The following EPHA6 variants were observed in gnomAD, a reference collection of about 807,000 sequenced individuals.
The protein encoded by EPHA6 is EPH receptor A6, also known as ephrin type-A receptor 6.
In EPHA6, 50 loss-of-function variants were observed where a neutral mutation model predicts 112.0. The ratio of observed to expected loss-of-function variants is 0.45; its 90% CI spans 0.36 to 0.56. EPHA6 has a LOEUF of 0.56. EPHA6 is among the 20% of genes least tolerant of loss of function. The pLI is 0.00. For synonymous variants in EPHA6, 529 were observed against 490.7 expected (o/e 1.08, Z -1.03); for missense variants, 1,280 against 1,417.4 (o/e 0.90, Z 1.56).
intron 3 of EPHA6, among the ~76,000 whole-genome samples, chr3:97,012,992 A>G (rs1214740442): frequency 6.6e-6 from 1 of 152,098 alleles, no homozygotes; most frequent in African/African-American, 2.4e-5. Flanking sequence ...GATTCTGAAT[A>G]TTAGACCTTT....
intron 2 of EPHA6, among the ~76,000 whole-genome samples, chr3:96,878,010 A>G (rs2107498718): frequency 6.6e-6 from 1 of 151,456 alleles, no homozygotes; most frequent in South Asian, 2.1e-4. Flanking sequence ...CTCTTAATTT[A>G]GAGAGTTTGA....
chr3:97,508,456 A>G (rs1045888216), intron 10 of EPHA6, among the ~76,000 whole-genome samples: 2 of 152,158 alleles, frequency 1.3e-5, no homozygotes, highest in Admixed American at 1.3e-4. Context: ...TTGAGTTTCC[A>G]TGTAGTTGTG....
intron 14 of EPHA6, among the ~76,000 whole-genome samples, chr3:97,650,437 C>T (rs2094099606): frequency 6.6e-6 from 1 of 151,986 alleles, no homozygotes; most frequent in Admixed American, 6.6e-5. Context: ...GCTTAGGAAA[C>T]AACAGTTTGC....
At chr3:96,937,813 G>A (rs926438625) in intron 2 of EPHA6, among the ~76,000 whole-genome samples, 78 of 152,094 alleles carry the variant, frequency 5.1e-4, no homozygotes, top group Non-Finnish European at 2.4e-4. Flanking sequence ...TCCAGTTTCA[G>A]CTTTCTACAT....
intron 2 of EPHA6, among the ~76,000 whole-genome samples, chr3:96,937,718 T>C (rs977395333): frequency 2.4e-4 from 36 of 152,308 alleles, no homozygotes; most frequent in Non-Finnish European, 4.3e-4. Context: ...CTAGGTTTTC[T>C]TCTAGGGTTT....
At chr3:96,922,255 A>G (rs964863576) in intron 2 of EPHA6, among the ~76,000 whole-genome samples, 1 of 152,194 alleles carries the variant, frequency 6.6e-6, no homozygotes, top group Non-Finnish European at 1.5e-5. Flanking sequence ...CCTGCTAAAT[A>G]AAGAAGTAAT....
chr3:97,626,355 G>A (rs1294118013), intron 13 of EPHA6, among the ~76,000 whole-genome samples: 1 of 151,728 alleles, frequency 6.6e-6, no homozygotes, highest in African/African-American at 2.4e-5. Flanking sequence ...GAACATAAAT[G>A]TGTTATGGCA....
At chr3:97,144,923 TC>T in intron 3 of EPHA6, among the ~76,000 whole-genome samples, 1 of 151,660 alleles carries the variant, frequency 6.6e-6, no homozygotes, top group East Asian at 1.9e-4. Flanking sequence ...TTTTGCTTAT[TC>T]TTGAATTTCT....
Position 97,755,793 on chromosome 3 carries a change from C to A in EPHA6, c.*7092C>A, listed in dbSNP as rs1041598059. ...TACAAGTTTTTCCACATTTGTAGCT[C>A]ATCCTTAGAACAGTCTTAATTTGGC... On this transcript the variant is annotated 3_prime_UTR_variant, in exon 18 of 18. Transcript: ENST00000389672. 6.6e-6 allele frequency among the ~76,000 whole-genome samples: 1 copy of A among 152,002 alleles called. No homozygotes were observed. Among genetic ancestry groups the A allele is most frequent in the African/African-American group, 2.4e-5 (1 of 41,424 alleles).
At chr3:97,605,257 A>G (rs577488351) in intron 12 of EPHA6, among the ~76,000 whole-genome samples, 63 of 151,578 alleles carry the variant, frequency 4.2e-4, no homozygotes, top group Non-Finnish European at 8.3e-4. Flanking sequence ...GGAAGGTGCA[A>G]GTAAAGTAAT....
rs1265515013 is a variant in EPHA6, at chr3:97,694,915, A to T, written c.2785-25346A>T. Among the ~76,000 whole-genome samples, 5 of 152,242 alleles carry T rather than the reference A, an allele frequency of 3.3e-5. No homozygotes were observed. The East Asian group carries it at 9.6e-4, about 29-fold the overall frequency. On this transcript the variant is annotated intron_variant, in intron 14 of 17. Transcript: ENST00000389672. ...CCTTCATGCGAATTCCACAGCAAAT[A>T]GAGTCAACTTTTTTTAACTGTTTAT...
At chr3:97,227,222 C>CT (rs200109335) in intron 4 of EPHA6, among the ~76,000 whole-genome samples, 2,335 of 135,238 alleles carry the variant, frequency 0.017, 21 homozygotes, top group Non-Finnish European at 0.021. Context: ...GTAGAGGAGA[C>CT]TTTTTTTTTT....
intron 14 of EPHA6, among the ~76,000 whole-genome samples, chr3:97,651,886 G>T (rs1261994901): frequency 6.6e-6 from 1 of 151,866 alleles, no homozygotes; most frequent in Admixed American, 6.6e-5. Context: ...TTTATGTGCA[G>T]GTTTGTTGCA....
At chr3:97,504,936 A>AT (rs1272696720) in intron 10 of EPHA6, among the ~76,000 whole-genome samples, 6 of 151,794 alleles carry the variant, frequency 4.0e-5, no homozygotes, top group African/African-American at 1.2e-4. Context: ...ATCAATCCCA[A>AT]TTTTTTTATT....
intron 16 of EPHA6, 31 bp downstream of exon 16, chr3:97,736,149 C>T (rs2035242121): frequency 6.4e-7 from 1 of 1,559,764 alleles, no homozygotes; most frequent in Admixed American, 1.7e-5. Context: ...TTTTTTTCTT[C>T]TTGACAATTA....
At chr3:97,314,852 T>C (rs1348764702) in intron 5 of EPHA6, among the ~76,000 whole-genome samples, 5 of 151,642 alleles carry the variant, frequency 3.3e-5, no homozygotes. Flanking sequence ...GTCATCAATA[T>C]CACACATATC....
At chr3:96,988,932 A>ATT (rs2043118835) in intron 3 of EPHA6, among the ~76,000 whole-genome samples, 1 of 152,112 alleles carries the variant, frequency 6.6e-6, no homozygotes, top group Non-Finnish European at 1.5e-5. Context: ...ACATTCAAAA[A>ATT]TTTTATATAC....
intron 3 of EPHA6, among the ~76,000 whole-genome samples, chr3:97,023,375 G>A (rs532031067): frequency 2.6e-5 from 4 of 152,158 alleles, no homozygotes; most frequent in South Asian, 2.1e-4. Context: ...CACCGCTCTC[G>A]GCCCTTTGTT....
intron 14 of EPHA6, among the ~76,000 whole-genome samples, chr3:97,707,723 G>A (rs780139488): frequency 1.9e-4 from 29 of 152,060 alleles, no homozygotes; most frequent in Non-Finnish European, 3.5e-4. Context: ...ATCCCCACAC[G>A]TCGAGGGAGG....
Sources: gnomAD v4.1 joint callset for allele counts (sites outside exome capture counted in the v4.1 genomes callset) on GRCh38, gnomAD v4.1.1 for gene constraint, MANE v1.5 for transcripts, NCBI Gene and HGNC (gene_info 2026-07-23, HGNC 2026-07-21) for gene names.